The following GOLT1B variants were observed in gnomAD, a reference collection of about 807,000 sequenced individuals.
GOLT1B encodes golgi transport 1B, also known as vesicle transport protein GOT1B.
A neutral mutation model predicts 15.4 loss-of-function variants in GOLT1B; 3 were observed. The ratio of observed to expected loss-of-function variants is 0.19; its 90% CI spans 0.09 to 0.50. GOLT1B has a LOEUF of 0.50. Ranked by LOEUF, GOLT1B falls within the 20% of genes least tolerant of loss-of-function variation. GOLT1B has a pLI of 0.97. For synonymous variants in GOLT1B, 65 were observed against 56.2 expected (o/e 1.16, Z -0.70); for missense variants, 145 against 160.4 (o/e 0.90, Z 0.52).
intron 1 of GOLT1B, among the ~76,000 whole-genome samples, chr12:21,502,675 C>G (rs1017677231): frequency 6.6e-6 from 1 of 152,158 alleles, no homozygotes; most frequent in South Asian, 2.1e-4. Context: ...TATTTCATCT[C>G]TAAAGCTAGC....
rs1184956796 is a variant in GOLT1B, at chr12:21,516,711, T to C, written c.*1004T>C. ...GTAACATGTTAAAAGGTTAAACTTA[T>C]GGCTATTTTTAAAGGGCTATTCATT... On this transcript the variant is annotated 3_prime_UTR_variant, in exon 5 of 5. Transcript: ENST00000229314. 6.6e-6 allele frequency: 1 copy of C among 152,100 alleles called. No homozygotes were observed. The highest frequency in any genetic ancestry group is 1.9e-4 in the East Asian group (1 of 5,202). The allele number at this position is 152,100 out of a possible 1,614,324, so 9.4% of individuals were successfully genotyped here.
Position 21,518,339 on chromosome 12 carries a change from A to T in GOLT1B, c.*2632A>T, listed in dbSNP as rs1591765592. 1 of 152,312 alleles carries T rather than the reference A, an allele frequency of 6.6e-6. No homozygotes were observed. The highest frequency in any genetic ancestry group is 1.5e-5 in the Non-Finnish European group (1 of 68,004). 9.4% of individuals were successfully genotyped at this position (152,312 alleles called of 1,614,324 possible). On this transcript the variant is annotated 3_prime_UTR_variant, in exon 5 of 5. Transcript: ENST00000229314. ...AATACAAATAGACTTCAAGTAAGCA[A>T]AAATGTTCTTAATTTTGAAAACTGT...
rs927229476 is a variant in GOLT1B, at chr12:21,501,830, C to T, written c.-94C>T. The T allele has an allele frequency of 9.2e-6, 8 of 873,350 alleles. No individual in the cohort carries two copies. In the East Asian group the frequency reaches 1.3e-4, roughly 14 times the overall value. The allele number at this position is 873,350 out of a possible 1,614,324, so 54.1% of individuals were successfully genotyped here. ...TGTTTCCGGAAGACGTGGCGGCTCT[C>T]GCCTGGGCTGTTTCCCGGCTTCATT... On this transcript the variant is annotated 5_prime_UTR_variant, in exon 1 of 5. Transcript: ENST00000229314.
chr12:21,506,373 G>A (rs1015509203), intron 1 of GOLT1B, among the ~76,000 whole-genome samples: 2 of 151,980 alleles, frequency 1.3e-5, no homozygotes, highest in Non-Finnish European at 2.9e-5. Flanking sequence ...GTGACAAGCA[G>A]TATATAATTG....
chr12:21,515,243 A>G, intron 4 of GOLT1B: 4 of 1,460,592 alleles, frequency 2.7e-6, no homozygotes, highest in South Asian at 1.2e-5. Flanking sequence ...CAAAGACTAC[A>G]TAGGCCCAGA....
rs1047203564 is a variant in GOLT1B at position 21,516,777 on chromosome 12, A to G, written c.*1070A>G. ...CTTATTTTCAGCTTTTTCCTAGCAT[A>G]TAATAGTCATTAAGCATGACATATC... On this transcript the variant is annotated 3_prime_UTR_variant, in exon 5 of 5. Transcript: ENST00000229314. 1.1e-4 allele frequency: 17 copies of G among 152,240 alleles called. No individual in the cohort carries two copies. The highest frequency in any genetic ancestry group is 3.6e-4 in the African/African-American group (15 of 41,582). 9.4% of individuals were successfully genotyped at this position (152,240 alleles called of 1,614,324 possible). A position where few individuals can be genotyped will look rare whatever the true frequency, so the allele number is the denominator to read the frequency against.
Position 21,506,957 on chromosome 12 carries a change from C to G in GOLT1B, c.98C>G (p.Ala33Gly). The stretch of plus-strand genomic sequence containing the variant: ...GGAATGATTCTCTTTTTTGACAAAG[C>G]ACTACTGGCTATTGGAAATGTGAGT... ...FFGMILFFDK[A>G]LLAIGNVLFV... is the part of the protein sequence containing the mutation. Residue 33 changes from alanine (A) to glycine (G), a missense_variant, in exon 2 of 5, where the codon GCA (alanine) becomes GGA (glycine). Physicochemically the swap from Ala to Gly is moderately conservative, Grantham distance 60. Coordinates refer to ENST00000229314, the MANE Select transcript of GOLT1B (RefSeq NM_016072.5). The G allele has an allele frequency of 7.2e-7, 1 of 1,391,572 alleles. No homozygotes were observed. The highest frequency in any genetic ancestry group is 1.0e-6 in the Non-Finnish European group (1 of 980,350). 86.2% of individuals were successfully genotyped at this position (1,391,572 alleles called of 1,614,324 possible). A position where few individuals can be genotyped will look rare whatever the true frequency, so the allele number is the denominator to read the frequency against.
At chr12:21,514,664 C>G (rs978363278) in intron 4 of GOLT1B, among the ~76,000 whole-genome samples, 4 of 152,134 alleles carry the variant, frequency 2.6e-5, no homozygotes, top group Non-Finnish European at 1.5e-5. Flanking sequence ...TTGCATTAAT[C>G]TGCAAATTCA....
chr12:21,503,283 T>C (rs1943652565), intron 1 of GOLT1B, among the ~76,000 whole-genome samples: 1 of 152,218 alleles, frequency 6.6e-6, no homozygotes, highest in Non-Finnish European at 1.5e-5. Context: ...CCTGTAAGGC[T>C]CACAGAAGCA....
chr12:21,510,187 A>AT (rs1167416788), intron 3 of GOLT1B, among the ~76,000 whole-genome samples: 1 of 152,220 alleles, frequency 6.6e-6, no homozygotes, highest in Non-Finnish European at 1.5e-5. Flanking sequence ...TACTTTTGAC[A>AT]TTTTAGGGTA....
intron 4 of GOLT1B, among the ~76,000 whole-genome samples, chr12:21,513,328 G>A (rs1943733564): frequency 6.6e-6 from 1 of 152,076 alleles, no homozygotes; most frequent in Admixed American, 6.5e-5. Flanking sequence ...GTACTAAACT[G>A]CTACCTTGAA....
chr12:21,507,025 C>A (rs555165064), intron 2 of GOLT1B, 49 bp downstream of exon 2: 5 of 759,772 alleles, frequency 6.6e-6, no homozygotes, highest in South Asian at 6.3e-5. Context: ...GAAATTTTAA[C>A]TACGAATGAA....
intron 4 of GOLT1B, among the ~76,000 whole-genome samples, chr12:21,514,771 G>C (rs1943743948): frequency 6.6e-6 from 1 of 151,988 alleles, no homozygotes; most frequent in Non-Finnish European, 1.5e-5. Flanking sequence ...CTTAATTTAA[G>C]GATTCTCAAG....
rs770166126 is a variant in GOLT1B, at chr12:21,507,009, T to C, written c.117+33T>C. 22 of 849,116 alleles carry C rather than the reference T, an allele frequency of 2.6e-5. No homozygotes were observed. In the African/African-American group the frequency reaches 3.6e-4, roughly 14 times the overall value. 52.6% of individuals were successfully genotyped at this position (849,116 alleles called of 1,614,324 possible). A position where few individuals can be genotyped will look rare whatever the true frequency, so the allele number is the denominator to read the frequency against. On this transcript the variant is annotated intron_variant, in intron 2 of 4. Transcript: ENST00000229314. ...TTTAAATATATATTTTAACTAAATT[T>C]ATAAGGAAATTTTAACTACGAATGA... is the stretch of plus-strand genomic sequence containing the variant.
Position 21,501,809 on chromosome 12 carries a change from T to C in GOLT1B, c.-115T>C, listed in dbSNP as rs1943626831. 2.7e-6 allele frequency: 2 copies of C among 748,704 alleles called. No homozygotes were observed. The highest frequency in any genetic ancestry group is 2.1e-5 in the Admixed American group (1 of 48,160). The allele number at this position is 748,704 out of a possible 1,614,324, so 46.4% of individuals were successfully genotyped here. On this transcript the variant is annotated 5_prime_UTR_variant, in exon 1 of 5. Coordinates refer to ENST00000229314, the MANE Select transcript of GOLT1B (RefSeq NM_016072.5). ...GCGGCAGTGAGGGTGGCTGCGTGTT[T>C]CCGGAAGACGTGGCGGCTCTCGCCT...
At chr12:21,502,221 A>G (rs1044462640) in intron 1 of GOLT1B, among the ~76,000 whole-genome samples, 2 of 152,106 alleles carry the variant, frequency 1.3e-5, no homozygotes, top group African/African-American at 4.8e-5. Context: ...GTCTCATTCC[A>G]GGGTCGCGCT....
At chr12:21,502,085 G>C (rs1344834668) in intron 1 of GOLT1B, 137 bp downstream of exon 1, 3 of 698,872 alleles carry the variant, frequency 4.3e-6, no homozygotes, top group Non-Finnish European at 7.8e-6. Flanking sequence ...AGGGCTGCTG[G>C]GACCCTAAGG....
Position 21,517,059 on chromosome 12 carries a change from A to C in GOLT1B, c.*1352A>C, listed in dbSNP as rs1943761416. The C allele has an allele frequency of 6.6e-6, 1 of 152,436 alleles. No individual in the cohort carries two copies. 9.4% of individuals were successfully genotyped at this position (152,436 alleles called of 1,614,324 possible). A position where few individuals can be genotyped will look rare whatever the true frequency, so the allele number is the denominator to read the frequency against. On this transcript the variant is annotated 3_prime_UTR_variant, in exon 5 of 5. Transcript: ENST00000229314. Reference sequence around the variant, plus strand: ...TACTATTTGTTTTACCACTGATTGCACTGTTTTGTTTTTTTAACAGTTGCA... The same window carrying C: ...TACTATTTGTTTTACCACTGATTGCCCTGTTTTGTTTTTTTAACAGTTGCA...
chr12:21,517,963 T>G lies in GOLT1B; in HGVS notation c.*2256T>G, dbSNP rs1404337793. On this transcript the variant is annotated 3_prime_UTR_variant, in exon 5 of 5. Coordinates refer to ENST00000229314, the MANE Select transcript of GOLT1B (RefSeq NM_016072.5). The stretch of plus-strand genomic sequence containing the variant: ...GAAAAGGTCTAATACTACATAGCCT[T>G]AAGTGTTTCTGTCATTGTTCAAGTG... 2 of 152,564 alleles carry G rather than the reference T, an allele frequency of 1.3e-5. No homozygotes were observed. The highest frequency in any genetic ancestry group is 2.9e-5 in the Non-Finnish European group (2 of 67,960). 9.5% of individuals were successfully genotyped at this position (152,564 alleles called of 1,614,324 possible).
Sources: gnomAD v4.1 joint callset for allele counts (sites outside exome capture counted in the v4.1 genomes callset) on GRCh38, gnomAD v4.1.1 for gene constraint, MANE v1.5 for transcripts, NCBI Gene and HGNC (gene_info 2026-07-23, HGNC 2026-07-21) for gene names.